CFAP299: variants seen among roughly 807,000 people sequenced by gnomAD.
CFAP299 encodes the protein cilia and flagella associated protein 299, also known as cilia- and flagella-associated protein 299.
Under a neutral mutation model 27.0 loss-of-function variants are expected in CFAP299, and 21 were observed. The observed-to-expected ratio is 0.78, with a 90% confidence interval of 0.55 to 1.12. CFAP299 has a LOEUF of 1.12. Among genes scored for constraint, CFAP299 ranks in the 50% most tolerant of loss-of-function variants. CFAP299 has a pLI of 0.00. For synonymous variants in CFAP299, 104 were observed against 98.1 expected, an observed-to-expected ratio of 1.06 and a Z score of -0.36; for missense variants, 310 against 276.6, an observed-to-expected ratio of 1.12 and a Z score of -0.86.
At chr4:80,465,767 C>T (rs1729669402) in intron 2 of CFAP299, among the ~76,000 whole-genome samples, 1 of 152,158 alleles carries the variant, frequency 6.6e-6, no homozygotes, top group African/African-American at 2.4e-5. Context: ...AAACTTCCAA[C>T]ACATTTTGGA....
intron 3 of CFAP299, among the ~76,000 whole-genome samples, chr4:80,710,037 GGA>G (rs1722050808): frequency 1.3e-5 from 2 of 152,000 alleles, no homozygotes; most frequent in Non-Finnish European, 2.9e-5. Flanking sequence ...CCATAAAGTG[GGA>G]ATAATACTAG....
chr4:80,616,190 TGCCTAGGACTGGAAGCAGGCCCA>T (rs1320219314), intron 3 of CFAP299, among the ~76,000 whole-genome samples: 2 of 152,150 alleles, frequency 1.3e-5, no homozygotes, highest in African/African-American at 4.8e-5. Flanking sequence ...GTATCTATGG[TGCCTAGGACTGGAAGCAGGCCCA>T]TGTGACTCTT....
intron 4 of CFAP299, among the ~76,000 whole-genome samples, chr4:80,885,810 A>T (rs1045537963): frequency 1.6e-4 from 24 of 152,142 alleles, no homozygotes; most frequent in African/African-American, 5.8e-4. Flanking sequence ...CTACTGTGAA[A>T]GACTCCTTCA....
intron 2 of CFAP299, among the ~76,000 whole-genome samples, chr4:80,501,546 G>T (rs570132951): frequency 2.6e-3 from 384 of 147,604 alleles, no homozygotes; most frequent in Non-Finnish European, 4.0e-3. Context: ...ATGTAAATAT[G>T]TTAAGTATAA....
At chr4:80,601,185 C>T (rs550368599) in intron 3 of CFAP299, among the ~76,000 whole-genome samples, 1 of 152,224 alleles carries the variant, frequency 6.6e-6, no homozygotes, top group African/African-American at 2.4e-5. Context: ...ACTTATTATA[C>T]ACATCTTTGT....
intron 3 of CFAP299, among the ~76,000 whole-genome samples, chr4:80,611,861 C>T (rs191396769): frequency 9.2e-5 from 14 of 152,134 alleles, no homozygotes; most frequent in Admixed American, 3.3e-4. Context: ...TCATTACAGC[C>T]TACACCATAC....
chr4:80,661,967 A>G (rs1451496385), intron 3 of CFAP299, among the ~76,000 whole-genome samples: 1 of 152,184 alleles, frequency 6.6e-6, no homozygotes, highest in Non-Finnish European at 1.5e-5. Context: ...TCTCAGGCTT[A>G]TTAGGACGAG....
chr4:80,669,694 C>T (rs915453322), intron 3 of CFAP299, among the ~76,000 whole-genome samples: 2 of 151,332 alleles, frequency 1.3e-5, no homozygotes, highest in African/African-American at 4.9e-5. Context: ...ATTTGTCTTG[C>T]CTCACTGCTC....
chr4:80,703,186 A>G (rs964397605), intron 3 of CFAP299, among the ~76,000 whole-genome samples: 2 of 151,754 alleles, frequency 1.3e-5, no homozygotes, highest in African/African-American at 4.8e-5. Context: ...TGAAATCTCT[A>G]TTCATTTGAA....
rs1274078968 is a variant in CFAP299 at position 80,757,569 on chromosome 4, T to C, written c.334-112424T>C. On this transcript the variant is annotated intron_variant, in intron 3 of 5. Coordinates refer to ENST00000358105, the MANE Select transcript of CFAP299 (RefSeq NM_152770.3). The stretch of plus-strand genomic sequence containing the variant: ...ACAATCTTTCTATCCTGAAGCCTTC[T>C]ATAGTTTCTTACCAGAGCTATGATT... Among the ~76,000 whole-genome samples the C allele has an allele frequency of 3.3e-5, 5 of 152,126 alleles. No homozygotes were observed. In the South Asian group the frequency reaches 6.2e-4, roughly 19 times the overall value.
the CFAP299 span, among the ~76,000 whole-genome samples, chr4:80,328,002 A>C: frequency 6.6e-6 from 1 of 151,960 alleles, no homozygotes; most frequent in East Asian, 1.9e-4. Context: ...GCTTCATGCC[A>C]CTGAAAGGTC....
chr4:80,543,009 C>G (rs2110200847), intron 2 of CFAP299, among the ~76,000 whole-genome samples: 1 of 152,270 alleles, frequency 6.6e-6, no homozygotes, highest in Non-Finnish European at 1.5e-5. Flanking sequence ...TCCAGCCCAG[C>G]CAGGGCTCAA....
intron 3 of CFAP299, among the ~76,000 whole-genome samples, chr4:80,650,056 AATC>A (rs1740209463): frequency 6.6e-6 from 1 of 152,110 alleles, no homozygotes; most frequent in Admixed American, 6.6e-5. Flanking sequence ...GTGACAAAAT[AATC>A]ATACAGAAGT....
chr4:80,619,313 T>C lies in CFAP299; in HGVS notation c.333+36130T>C, dbSNP rs144600519. ...CAGTGGCCTGTCCAAGGTGCAGTCA[T>C]AGAGCACTGAAGGACCTTCTCTTCA... On this transcript the variant is annotated intron_variant, in intron 3 of 5. Coordinates refer to ENST00000358105, the MANE Select transcript of CFAP299 (RefSeq NM_152770.3). Among the ~76,000 whole-genome samples the C allele has an allele frequency of 1.3e-3, 199 of 152,274 alleles. 2 individuals carry two copies. Among genetic ancestry groups the C allele is most frequent in the Admixed American group, 0.011 (170 of 15,278 alleles).
intron 4 of CFAP299, among the ~76,000 whole-genome samples, chr4:80,873,927 T>C (rs1733241186): frequency 6.6e-6 from 1 of 152,194 alleles, no homozygotes. Context: ...AAAATGACCT[T>C]AAATACTAAA....
chr4:80,944,231 C>A (rs575831087), intron 4 of CFAP299, among the ~76,000 whole-genome samples: 1 of 152,130 alleles, frequency 6.6e-6, no homozygotes, highest in Non-Finnish European at 1.5e-5. Flanking sequence ...GCTAGTTGAC[C>A]TCCCCGAGTC....
chr4:80,754,543 G>A (rs186471688), intron 3 of CFAP299, among the ~76,000 whole-genome samples: 124 of 129,936 alleles, frequency 9.5e-4, no homozygotes, highest in African/African-American at 4.4e-3. Context: ...GAAAGTGAGA[G>A]GATGGATCTG....
At chr4:80,804,653 T>C (rs983519556) in intron 3 of CFAP299, among the ~76,000 whole-genome samples, 30 of 152,156 alleles carry the variant, frequency 2.0e-4, no homozygotes, top group Non-Finnish European at 4.1e-4. Context: ...ATAAACTTTT[T>C]TATTTAAAGT....
At chr4:80,610,244 G>GCT (rs1737897336) in intron 3 of CFAP299, among the ~76,000 whole-genome samples, 1 of 152,018 alleles carries the variant, frequency 6.6e-6, no homozygotes, top group Non-Finnish European at 1.5e-5. Flanking sequence ...ATGAGAGTCT[G>GCT]CTCTCTGTTC....
Sources: allele counts gnomAD v4.1 joint callset (sites outside exome capture counted in the v4.1 genomes callset), GRCh38; gene constraint gnomAD v4.1.1; transcripts MANE v1.5; gene names NCBI Gene and HGNC (gene_info 2026-07-23, HGNC 2026-07-21).